The following SNRNP35 variants were observed in gnomAD, a reference collection of about 807,000 sequenced individuals.
SNRNP35 encodes the protein small nuclear ribonucleoprotein U11/U12 subunit 35.
Under a neutral mutation model 24.3 loss-of-function variants are expected in SNRNP35, and 16 were observed. That is an observed-to-expected ratio of 0.66 (90% CI 0.45 to 1.00). The LOEUF (loss-of-function observed/expected upper bound fraction) is 1.00, where lower values mean the gene tolerates loss of function less well. SNRNP35 is among the 50% of genes least tolerant of loss of function. The pLI is 0.00. For missense variants in SNRNP35, 292 were observed against 327.2 expected (o/e 0.89, Z 0.83); for synonymous variants, 106 against 124.8 (o/e 0.85, Z 1.00).
intron 1 of SNRNP35, chr12:123,459,677 A>C: frequency 3.5e-6 from 2 of 569,612 alleles, no homozygotes; most frequent in East Asian, 3.2e-5. Flanking sequence ...AATCCCAGCT[A>C]CTCGGGAGGC....
intron 1 of SNRNP35, among the ~76,000 whole-genome samples, chr12:123,462,669 T>C (rs1222089569): frequency 6.6e-6 from 1 of 151,986 alleles, no homozygotes; most frequent in Non-Finnish European, 1.5e-5. Context: ...TTTTGTATTT[T>C]TAGTAGATAT....
chr12:123,463,778 T>A (rs933378698), intron 1 of SNRNP35, among the ~76,000 whole-genome samples: 1 of 151,560 alleles, frequency 6.6e-6, no homozygotes, highest in South Asian at 2.1e-4. Flanking sequence ...TTTATTTTTT[T>A]TTTTGAGACA....
rs749942337 is a variant in SNRNP35, at chr12:123,465,741, A to T, written c.201A>T (p.Leu67Phe). The T allele has an allele frequency of 2.5e-6, 4 of 1,613,920 alleles. No individual in the cohort carries two copies. Among genetic ancestry groups the T allele is most frequent in the Non-Finnish European group, 3.4e-6 (4 of 1,179,910 alleles). The change falls in exon 2 of 2, where the codon TTA becomes TTT. Residue 67 changes from leucine to phenylalanine, a missense_variant. Leu to Phe is a conservative substitution (Grantham distance 22, BLOSUM62 0). Transcript: ENST00000526639. This position sits in a 1 kb window ranked among gnomAD's most constrained non-coding sequence, Gnocchi z 4.2. ...RLNLQTKEDK[L>F]KEVFSRYGDI... ...ACTTGCAGACCAAGGAGGACAAATT[A>T]AAGGAAGTCTTTTCCCGCTATGGTG...
At chr12:123,467,485 A>T (rs35370271), downstream of SNRNP35, among the ~76,000 whole-genome samples, 33,499 of 152,082 alleles carry the variant, frequency 0.22, 3,933 homozygotes, top group Middle Eastern at 0.28. Context: ...TCTCTTATCT[A>T]GTCTCTGGGG....
intron 1 of SNRNP35, chr12:123,464,638 A>G (rs1841152676): frequency 6.6e-6 from 1 of 152,230 alleles, no homozygotes; most frequent in African/African-American, 2.4e-5. Context: ...ATTAGTAAGC[A>G]TTTTATTATT....
At position 123,459,577 on chromosome 12, in the gene SNRNP35, C is replaced by G. The variant is rs138004375; in HGVS notation, c.-4+1361C>G. 741 of 335,278 alleles carry G rather than the reference C, an allele frequency of 2.2e-3. 4 individuals carry two copies. The highest frequency in any genetic ancestry group is 0.014 in the African/African-American group (658 of 46,594). 20.8% of individuals were successfully genotyped at this position (335,278 alleles called of 1,614,324 possible). ...CTGAGGCAGGCGGGTCATCTGACAT[C>G]AGGAGTTTGAGACCAGCTTGGCCAA... On this transcript the variant is annotated intron_variant, in intron 1 of 1. Coordinates refer to ENST00000526639, the MANE Select transcript of SNRNP35 (RefSeq NM_022717.4).
chr12:123,463,352 G>A (rs1293075562), intron 1 of SNRNP35, among the ~76,000 whole-genome samples: 1 of 151,726 alleles, frequency 6.6e-6, no homozygotes, highest in Non-Finnish European at 1.5e-5. Context: ...GTGAGCCACT[G>A]CAACAGGTCA....
intron 1 of SNRNP35, among the ~76,000 whole-genome samples, chr12:123,463,838 C>T (rs181995031): frequency 4.2e-4 from 63 of 150,460 alleles, no homozygotes; most frequent in African/African-American, 1.5e-3. Flanking sequence ...AATCTCGGCT[C>T]ACTGCAACCT....
exon 2 of SNRNP35, chr12:123,472,847 G>T: frequency 1.5e-6 from 1 of 684,010 alleles, no homozygotes; most frequent in Non-Finnish European, 2.4e-6. Flanking sequence ...TTCCAAGAAA[G>T]CAGCAGGGTA....
At position 123,466,553 on chromosome 12, in the gene SNRNP35, T is replaced by C. The variant is rs1593517934; in HGVS notation, c.*272T>C. The C allele has an allele frequency of 2.5e-5, 1 of 40,338 alleles. No homozygotes were observed. The highest frequency in any genetic ancestry group is 3.4e-4 in the Admixed American group (1 of 2,980). The allele number at this position is 40,338 out of a possible 1,614,324, so 2.5% of individuals were successfully genotyped here. On this transcript the variant is annotated 3_prime_UTR_variant, in exon 2 of 2. Transcript: ENST00000526639. ...CAGAAGGGCATTTTCTTTTCTTTTC[T>C]TTTTTTTTTTTTTGAGACAGAGTCT...
intron 1 of SNRNP35, among the ~76,000 whole-genome samples, chr12:123,461,971 C>T (rs919487623): frequency 3.3e-5 from 5 of 152,096 alleles, no homozygotes; most frequent in South Asian, 2.1e-4. Flanking sequence ...CCGCCTGCCT[C>T]GGCCTCCCAA....
chr12:123,472,721 C>T (rs1881278368), exon 2 of SNRNP35: 2 of 1,577,212 alleles, frequency 1.3e-6, no homozygotes, highest in South Asian at 1.2e-5. Context: ...GAGAGCTGAC[C>T]CTTTGCTGTG....
At chr12:123,462,049 C>T (rs1372653234) in intron 1 of SNRNP35, among the ~76,000 whole-genome samples, 1 of 152,150 alleles carries the variant, frequency 6.6e-6, no homozygotes, top group Non-Finnish European at 1.5e-5. Context: ...AGAGTTGGTT[C>T]AGTTCCTCAG....
At position 123,465,468 on chromosome 12, in the gene SNRNP35, C is replaced by A; in HGVS notation, c.-3-70C>A. 6.8e-7 allele frequency: 1 copy of A among 1,472,326 alleles called. No homozygotes were observed. Among genetic ancestry groups the A allele is most frequent in the Non-Finnish European group, 9.1e-7 (1 of 1,102,836 alleles). 91.2% of individuals were successfully genotyped at this position (1,472,326 alleles called of 1,614,324 possible). A position where few individuals can be genotyped will look rare whatever the true frequency, so the allele number is the denominator to read the frequency against. On this transcript the variant is annotated intron_variant, in intron 1 of 1. Transcript: ENST00000526639. This position sits in a 1 kb window ranked among gnomAD's most constrained non-coding sequence, Gnocchi z 4.2. Reference sequence around the variant, plus strand: ...GTGAATGATAGTATCCTTTTCATGGCATTGTTGTAAGGGTTGAATGAGTGG... The same window carrying A: ...GTGAATGATAGTATCCTTTTCATGGAATTGTTGTAAGGGTTGAATGAGTGG...
chr12:123,465,827 T>TC lies in SNRNP35; in HGVS notation c.288dup (p.Ile97HisfsTer17). 6.2e-7 allele frequency: 1 copy of TC among 1,614,058 alleles called. No individual in the cohort carries two copies. The highest frequency in any genetic ancestry group is 8.5e-7 in the Non-Finnish European group (1 of 1,180,020). ...ACAGGTTTTTCAAAGGGCTACGCCT[T>TC]CATCGAATACAAGGAGGAGCGTGCC... On this transcript the variant is annotated frameshift_variant, in exon 2 of 2. Transcript: ENST00000526639. LOFTEE classifies it high-confidence loss of function. This position sits in a 1 kb window ranked among gnomAD's most constrained non-coding sequence, Gnocchi z 4.2.
At chr12:123,466,972 A>G (rs1242106703), downstream of SNRNP35, 3 of 152,228 alleles carry the variant, frequency 2.0e-5, no homozygotes, top group Non-Finnish European at 2.9e-5. Context: ...TTCAGATTTA[A>G]TTTGGCAGTA....
intron 1 of SNRNP35, chr12:123,459,025 A>G (rs1880451185): frequency 6.6e-6 from 1 of 151,872 alleles, no homozygotes; most frequent in African/African-American, 2.4e-5. Context: ...CAGCGTCGAC[A>G]TTTCGGGTCA....
exon 2 of SNRNP35, chr12:123,472,245 T>C (rs1463043264): frequency 2.9e-6 from 1 of 339,798 alleles, no homozygotes; most frequent in African/African-American, 2.0e-5. Context: ...CTTGTGTTAC[T>C]GAAGTTAACG....
At chr12:123,469,690 G>A (rs1334831298), downstream of SNRNP35, among the ~76,000 whole-genome samples, 1 of 151,776 alleles carries the variant, frequency 6.6e-6, no homozygotes, top group Non-Finnish European at 1.5e-5. Flanking sequence ...TTTTGTAGAG[G>A]TGGGTTATTG....
Sources: allele counts gnomAD v4.1 joint callset (sites outside exome capture counted in the v4.1 genomes callset), GRCh38; gene constraint gnomAD v4.1.1; non-coding constraint Gnocchi (gnomAD v3.1); transcripts MANE v1.5; gene names NCBI Gene and HGNC (gene_info 2026-07-23, HGNC 2026-07-21).